Variants in C4orf51 observed in about 807,000 individuals in gnomAD.
The protein encoded by C4orf51 is uncharacterized protein C4orf51.
Under a neutral mutation model 25.2 loss-of-function variants are expected in C4orf51, and 25 were observed. The ratio of observed to expected loss-of-function variants is 0.99; its 90% CI spans 0.72 to 1.39. The LOEUF (loss-of-function observed/expected upper bound fraction) is 1.39. C4orf51 is among the 40% of genes most tolerant of loss of function. The probability of loss-of-function intolerance (pLI) is 0.00; values close to 1 mark genes in which losing one functional copy is unlikely to be tolerated. For missense variants in C4orf51, 252 were observed against 239.6 expected, an observed-to-expected ratio of 1.05 and a Z score of -0.34; for synonymous variants, 100 against 84.5, an observed-to-expected ratio of 1.18 and a Z score of -1.01.
intron 2 of C4orf51, among the ~76,000 whole-genome samples, chr4:145,723,344 TTA>T (rs1731855585): frequency 6.6e-6 from 1 of 152,172 alleles, no homozygotes; most frequent in Non-Finnish European, 1.5e-5. Context: ...CCTTCCAACA[TTA>T]TGTTTTGTGT....
chr4:145,730,369 G>A (rs3935132), intron 5 of C4orf51, among the ~76,000 whole-genome samples: 25,074 of 151,996 alleles, frequency 0.16, 2,321 homozygotes, highest in East Asian at 0.38. Context: ...CTCCTCATGT[G>A]CCCGTCCTGC....
intron 1 of C4orf51, among the ~76,000 whole-genome samples, chr4:145,684,411 G>A (rs1412390375): frequency 6.6e-6 from 1 of 152,178 alleles, no homozygotes; most frequent in Non-Finnish European, 1.5e-5. Flanking sequence ...GAACCCAGGA[G>A]GCGGAGCTTG....
intron 1 of C4orf51, among the ~76,000 whole-genome samples, chr4:145,687,883 T>C (rs1290826347): frequency 6.6e-6 from 1 of 151,678 alleles, no homozygotes; most frequent in East Asian, 1.9e-4. Context: ...GCACACATGA[T>C]TTTTATAATA....
intron 1 of C4orf51, among the ~76,000 whole-genome samples, chr4:145,750,417 T>G (rs1213678910): frequency 1.3e-5 from 2 of 150,608 alleles, no homozygotes; most frequent in Non-Finnish European, 3.0e-5. Context: ...TAAAAGTTTT[T>G]TTTTTTTTTT....
rs1560894668 is a variant in C4orf51, at chr4:145,768,907, ATATATAT to A, written n.167-2080_167-2074del. 8.6e-4 allele frequency among the ~76,000 whole-genome samples: 32 copies of A among 37,314 alleles called. 5 individuals carry two copies. The highest frequency in any genetic ancestry group is 2.9e-3 in the East Asian group (3 of 1,050). 24.5% of individuals were successfully genotyped at this position (37,314 alleles called of 152,430 possible). A position where few individuals can be genotyped will look rare whatever the true frequency, so the allele number is the denominator to read the frequency against. On this transcript the variant is annotated intron_variant and non_coding_transcript_variant, in intron 1 of 1. Coordinates refer to the C4orf51 transcript ENST00000510096. ...AAAAAAAAAATATATATATATATAT[ATATATAT>A]ATTAGGTATACAAAGTTTGGAAATA... is the stretch of plus-strand genomic sequence containing the variant.
chr4:145,697,622 T>TG (rs1226331116), intron 2 of C4orf51, among the ~76,000 whole-genome samples: 25 of 132,564 alleles, frequency 1.9e-4, no homozygotes, highest in African/African-American at 6.9e-4. Flanking sequence ...TTTGTCTTTC[T>TG]GTGGCTGAGT....
Position 145,711,003 on chromosome 4 carries a change from C to T in C4orf51, c.307+14371C>T, listed in dbSNP as rs540447072. 3.0e-4 allele frequency among the ~76,000 whole-genome samples: 45 copies of T among 152,188 alleles called. 1 individual carries two copies. The highest frequency in any genetic ancestry group is 1.0e-3 in the African/African-American group (42 of 41,516). ...GCATCTGGTACCAGTCTTCTTTCCC[C>T]CGAATTTATAAGTAACTAGAATTTT... On this transcript the variant is annotated intron_variant, in intron 2 of 5. Coordinates refer to ENST00000438731, the MANE Select transcript of C4orf51 (RefSeq NM_001080531.3).
chr4:145,682,288 A>C (rs537359769), intron 1 of C4orf51, among the ~76,000 whole-genome samples: 1 of 152,342 alleles, frequency 6.6e-6, no homozygotes, highest in African/African-American at 2.4e-5. Flanking sequence ...AAGTGTTATA[A>C]ATGAAGATGA....
At chr4:145,767,361 A>G (rs1022979314) in intron 1 of C4orf51, among the ~76,000 whole-genome samples, 9 of 152,186 alleles carry the variant, frequency 5.9e-5, no homozygotes, top group African/African-American at 2.2e-4. Context: ...AATCTCCCCA[A>G]ATGAAAAGAG....
intron 1 of C4orf51, among the ~76,000 whole-genome samples, chr4:145,742,963 T>C (rs1052528211): frequency 3.9e-5 from 6 of 152,022 alleles, no homozygotes; most frequent in Non-Finnish European, 8.8e-5. Context: ...GCAGATAAAA[T>C]AAACAGAGCT....
chr4:145,724,880 C>CAAAAA (rs1222983724), intron 2 of C4orf51, among the ~76,000 whole-genome samples: 67 of 68,188 alleles, frequency 9.8e-4, no homozygotes, highest in African/African-American at 2.0e-3. Flanking sequence ...AAGACTGTCT[C>CAAAAA]AAAAAAAAAA....
chr4:145,713,741 A>C (rs1461762879), intron 2 of C4orf51, among the ~76,000 whole-genome samples: 1 of 152,136 alleles, frequency 6.6e-6, no homozygotes, highest in Non-Finnish European at 1.5e-5. Context: ...CAACTTTGAA[A>C]GTATTTTTAA....
At chr4:145,741,433 C>T (rs1227503937) in intron 1 of C4orf51, among the ~76,000 whole-genome samples, 1 of 152,030 alleles carries the variant, frequency 6.6e-6, no homozygotes, top group Non-Finnish European at 1.5e-5. Flanking sequence ...GGATATTTGG[C>T]TAACAGAAAC....
intron 2 of C4orf51, among the ~76,000 whole-genome samples, chr4:145,699,721 T>C (rs1730303826): frequency 6.6e-6 from 1 of 152,184 alleles, no homozygotes; most frequent in Non-Finnish European, 1.5e-5. Flanking sequence ...CCTTCACCCT[T>C]AGTGGCAAGT....
chr4:145,744,473 AC>A (rs201041418), intron 1 of C4orf51, among the ~76,000 whole-genome samples: 1,727 of 152,198 alleles, frequency 0.011, 40 homozygotes, highest in African/African-American at 0.04. Context: ...TGTAACCCCA[AC>A]TCTTGAATAT....
intron 1 of C4orf51, among the ~76,000 whole-genome samples, chr4:145,751,594 C>T (rs1579036852): frequency 6.6e-6 from 1 of 152,210 alleles, no homozygotes; most frequent in Non-Finnish European, 1.5e-5. Context: ...GAAGCCAGCA[C>T]AGCACTGGGT....
intron 2 of C4orf51, among the ~76,000 whole-genome samples, chr4:145,709,564 C>G (rs1731021993): frequency 6.6e-6 from 1 of 152,210 alleles, no homozygotes; most frequent in African/African-American, 2.4e-5. Flanking sequence ...TTTAAGAAGT[C>G]ACGTGGCATG....
chr4:145,714,375 CAT>C (rs1215379488), intron 2 of C4orf51, among the ~76,000 whole-genome samples: 1 of 152,200 alleles, frequency 6.6e-6, no homozygotes, highest in Non-Finnish European at 1.5e-5. Context: ...AAAATCTACT[CAT>C]TGATTAATAG....
chr4:145,739,963 C>T (rs1410167013), intron 1 of C4orf51, among the ~76,000 whole-genome samples: 4 of 152,016 alleles, frequency 2.6e-5, no homozygotes, highest in African/African-American at 4.8e-5. Flanking sequence ...AAAGGCTCAA[C>T]GTGGAACTGG....
Sources: allele counts gnomAD v4.1 joint callset (sites outside exome capture counted in the v4.1 genomes callset), GRCh38; gene constraint gnomAD v4.1.1; transcripts MANE v1.5; gene names NCBI Gene and HGNC (gene_info 2026-07-23, HGNC 2026-07-21).